The following FUS variants were observed in gnomAD, a reference collection of about 807,000 sequenced individuals.
The protein encoded by FUS is RNA-binding protein FUS.
FUS carries 5 observed loss-of-function variants against 82.7 expected under a neutral mutation model. That is an observed-to-expected ratio of 0.06 (90% CI 0.03 to 0.13). The LOEUF (loss-of-function observed/expected upper bound fraction) is 0.13, where lower values mean the gene tolerates loss of function less well. Ranked by LOEUF, FUS falls within the 10% of genes least tolerant of loss-of-function variation. FUS has a pLI of 1.00. For missense variants in FUS, 512 were observed against 707.8 expected (o/e 0.72, Z 3.14); for synonymous variants, 281 against 247.4 (o/e 1.14, Z -1.27).
At chr16:31,194,691 C>T (rs1368618632), downstream of FUS, 2 of 487,274 alleles carry the variant, frequency 4.1e-6, no homozygotes, top group Admixed American at 2.3e-5. Flanking sequence ...GGAATCAAAT[C>T]AGGCTAATAT....
At chr16:31,188,280 CTTGTTT>C (rs2094769257) in intron 7 of FUS, 39 bp from the exon 8 acceptor site, 3 of 1,596,644 alleles carry the variant, frequency 1.9e-6, no homozygotes, top group Non-Finnish European at 2.6e-6. Flanking sequence ...TCATCTTTTC[CTTGTTT>C]TTGTTTTTTT....
At chr16:31,194,204 A>G (rs569251899), downstream of FUS, 129 of 530,186 alleles carry the variant, frequency 2.4e-4, no homozygotes, top group African/African-American at 2.1e-3. Context: ...TAGATTGACC[A>G]GGAATTAAGG....
intron 6 of FUS, chr16:31,186,332 T>G: frequency 3.2e-6 from 1 of 308,492 alleles, no homozygotes. Context: ...CCTTTGGTTT[T>G]GACTTTTTAT....
intron 10 of FUS, 61 bp from the exon 11 acceptor site, chr16:31,189,977 CTT>C (rs2079328838): frequency 1.3e-6 from 2 of 1,563,652 alleles, no homozygotes; most frequent in Non-Finnish European, 1.7e-6. Context: ...GCACGCTTCT[CTT>C]GTATTTTCGG....
At chr16:31,185,364 G>A (rs2079252521) in intron 6 of FUS, 185 bp downstream of exon 6, 4 of 693,520 alleles carry the variant, frequency 5.8e-6, no homozygotes, top group Admixed American at 5.8e-5. Context: ...GAACTTGGGA[G>A]CCTGAACTCC....
At chr16:31,189,445 C>A (rs538311748) in intron 9 of FUS, among the ~76,000 whole-genome samples, 5 of 152,248 alleles carry the variant, frequency 3.3e-5, no homozygotes, top group South Asian at 2.1e-4. Context: ...ACCCTAAACT[C>A]TTGAGATTTG....
Position 31,191,125 on chromosome 16 carries a change from C to G in FUS, c.1541+15C>G, listed in dbSNP as rs367552616. ...ATGGATTCCAGGTAAGACTTTAAATCAGAATAAAAAAGTAGAGCAGTTGAA... is the reference window on the plus strand; with the variant it reads ...ATGGATTCCAGGTAAGACTTTAAATGAGAATAAAAAAGTAGAGCAGTTGAA... On this transcript the variant is annotated intron_variant, in intron 14 of 14. Coordinates refer to ENST00000254108, the MANE Select transcript of FUS (RefSeq NM_004960.4). The G allele has an allele frequency of 5.0e-6, 8 of 1,611,776 alleles. No individual in the cohort carries two copies. In the East Asian group the frequency reaches 8.9e-5, roughly 18 times the overall value.
At chr16:31,188,299 T>G (rs754249489) in intron 7 of FUS, 26 bp from the exon 8 acceptor site, 31 of 1,610,752 alleles carry the variant, frequency 1.9e-5, no homozygotes, top group African/African-American at 4.0e-5. Flanking sequence ...GTTTTTTTTT[T>G]GTTCTTTTTT....
intron 3 of FUS, 25 bp from the exon 4 acceptor site, chr16:31,183,833 G>T (rs1258223083): frequency 1.2e-6 from 2 of 1,614,082 alleles, no homozygotes; most frequent in East Asian, 2.2e-5. Flanking sequence ...TGGCTTTTGT[G>T]ACTCCCTTTT....
intron 3 of FUS, chr16:31,183,008 A>C: frequency 2.8e-6 from 1 of 362,890 alleles, no homozygotes; most frequent in Non-Finnish European, 5.3e-6. Flanking sequence ...AATGCCCTGA[A>C]TGTTGCTTTT....
chr16:31,193,559 T>G, downstream of FUS: 1 of 530,278 alleles, frequency 1.9e-6, no homozygotes, highest in Non-Finnish European at 3.7e-6. Flanking sequence ...ATATGATTAC[T>G]GGGACCATTA....
intron 6 of FUS, 40 bp downstream of exon 6, chr16:31,185,219 G>C: frequency 1.9e-6 from 3 of 1,573,122 alleles, no homozygotes; most frequent in Admixed American, 1.8e-5. Context: ...TTGGTGGGGA[G>C]TGTGGAGGAT....
At chr16:31,184,460 C>T (rs1448883151) in intron 5 of FUS, 64 bp downstream of exon 5, 26 of 1,255,516 alleles carry the variant, frequency 2.1e-5, no homozygotes, top group East Asian at 2.6e-5. Context: ...TTTTTTGAGA[C>T]GGAGTCTTGC....
At chr16:31,184,160 T>A (rs1567471151) in intron 4 of FUS, 49 bp from the exon 5 acceptor site, 1 of 1,613,920 alleles carries the variant, frequency 6.2e-7, no homozygotes, top group Non-Finnish European at 8.5e-7. Context: ...GAAAGGAAAT[T>A]GGGGGCTATG....
intron 5 of FUS, 117 bp downstream of exon 5, chr16:31,184,513 G>A (rs1381386361): frequency 8.6e-6 from 9 of 1,042,740 alleles, no homozygotes; most frequent in African/African-American, 1.7e-5. Flanking sequence ...GCACAATCTC[G>A]GCTCACTGCA....
At position 31,187,070 on chromosome 16, in the gene FUS, TA is replaced by T. The variant is rs1480907477; in HGVS notation, c.799+236del. 4.7e-5 allele frequency: 28 copies of T among 595,286 alleles called. No homozygotes were observed. The Admixed American group carries it at 7.8e-4, about 17-fold the overall frequency. The allele number at this position is 595,286 out of a possible 1,614,324, so 36.9% of individuals were successfully genotyped here. ...ACCAAATGGGTTTGCCCCAGGTTAA[TA>T]AGAGGGGTCTAGTAGGCCTTGGACT... On this transcript the variant is annotated intron_variant, in intron 7 of 14. Coordinates refer to ENST00000254108, the MANE Select transcript of FUS (RefSeq NM_004960.4).
At chr16:31,194,395 C>T (rs1361150748), downstream of FUS, 2 of 513,130 alleles carry the variant, frequency 3.9e-6, no homozygotes, top group Non-Finnish European at 7.6e-6. Flanking sequence ...CGCAAGCTAT[C>T]TGCCCACCTC....
At chr16:31,184,854 C>A in intron 5 of FUS, 85 bp from the exon 6 acceptor site, 2 of 1,367,930 alleles carry the variant, frequency 1.5e-6, no homozygotes, top group Non-Finnish European at 2.1e-6. Context: ...CATTGCCTGG[C>A]ACTTGTCAAA....
intron 5 of FUS, 63 bp from the exon 6 acceptor site, chr16:31,184,876 C>T (rs1167121525): frequency 3.2e-6 from 5 of 1,561,914 alleles, no homozygotes; most frequent in South Asian, 2.2e-5. Flanking sequence ...CTTTTCAAAC[C>T]TTTTAGTGCT....
Sources: allele counts gnomAD v4.1 joint callset (sites outside exome capture counted in the v4.1 genomes callset), GRCh38; gene constraint gnomAD v4.1.1; transcripts MANE v1.5; gene names NCBI Gene and HGNC (gene_info 2026-07-23, HGNC 2026-07-21).